The following PPP1R18 variants were observed in gnomAD, a reference collection of about 807,000 sequenced individuals.
PPP1R18 encodes protein phosphatase 1 regulatory subunit 18.
PPP1R18 carries 31 observed loss-of-function variants against 54.8 expected under a neutral mutation model. The observed-to-expected ratio is 0.57, with a 90% CI of 0.43 to 0.76. PPP1R18 has a LOEUF of 0.76. Ranked by LOEUF, PPP1R18 falls within the 30% of genes least tolerant of loss-of-function variation. The probability of loss-of-function intolerance (pLI) is 0.00; values close to 1 mark genes in which losing one functional copy is unlikely to be tolerated. For missense variants in PPP1R18, 685 were observed against 776.1 expected (o/e 0.88, Z 1.39); for synonymous variants, 310 against 320.2 (o/e 0.97, Z 0.34).
Position 30,685,346 on chromosome 6 carries a change from G to A in PPP1R18, c.673C>T (p.Pro225Ser), listed in dbSNP as rs750283501. The A allele has an allele frequency of 6.2e-7, 1 of 1,612,902 alleles. No individual in the cohort carries two copies. Among genetic ancestry groups the A allele is most frequent in the African/African-American group, 1.3e-5 (1 of 74,888 alleles). ...RRKEVESRLS[P>S]GESAYQKLGL... is the part of the protein sequence containing the mutation. ...AACTTCTGGTAGGCAGATTCCCCTG[G>A]GCTCAGTCTACTTTCCACCTCTTTT... Residue 225 changes from proline (P) to serine (S), a missense_variant, in exon 1 of 3, where the codon CCA becomes TCA. Coordinates refer to ENST00000274853, the MANE Select transcript of PPP1R18 (RefSeq NM_133471.4). The surrounding 1 kb of genome is among the most constrained non-coding windows in gnomAD (Gnocchi z 5.0).
In PPP1R18 at chr6:30,686,047, C is replaced by T. The variant is rs1446582833; in HGVS notation, c.-29G>A. 1.3e-6 allele frequency: 2 copies of T among 1,525,216 alleles called. No individual in the cohort carries two copies. Among genetic ancestry groups the T allele is most frequent in the African/African-American group, 1.4e-5 (1 of 72,460 alleles). 94.5% of individuals were successfully genotyped at this position (1,525,216 alleles called of 1,614,324 possible). A position where few individuals can be genotyped will look rare whatever the true frequency, so the allele number is the denominator to read the frequency against. On this transcript the variant is annotated 5_prime_UTR_variant, in exon 1 of 3. In the 5' UTR this introduces an upstream ATG that the reference lacks. Coordinates refer to ENST00000274853, the MANE Select transcript of PPP1R18 (RefSeq NM_133471.4). The stretch of plus-strand genomic sequence containing the variant: ...CGTCTTGAGGTGAGGGTAGGGAGCA[C>T]TGGGGACAGAGAACAGGAAGGAGAG...
chr6:30,684,377 T>A lies in PPP1R18; in HGVS notation c.1611+31A>T, dbSNP rs770092444. The A allele has an allele frequency of 9.9e-6, 15 of 1,509,564 alleles. No individual in the cohort carries two copies. In the East Asian group the frequency reaches 3.3e-4, roughly 33 times the overall value. 93.5% of individuals were successfully genotyped at this position (1,509,564 alleles called of 1,614,324 possible). A position where few individuals can be genotyped will look rare whatever the true frequency, so the allele number is the denominator to read the frequency against. Reference sequence around the variant, plus strand: ...TCCAGAGAAAATTGACAAGTGGACTTCTAAGAAGTCTGGCTTGGCTGCTTC... The same window carrying A: ...TCCAGAGAAAATTGACAAGTGGACTACTAAGAAGTCTGGCTTGGCTGCTTC... On this transcript the variant is annotated intron_variant, in intron 1 of 2. Coordinates refer to ENST00000274853, the MANE Select transcript of PPP1R18 (RefSeq NM_133471.4). The surrounding 1 kb of genome is among the most constrained non-coding windows in gnomAD (Gnocchi z 6.0).
chr6:30,679,149 C>A (rs1446026107), intron 2 of PPP1R18, 30 bp downstream of exon 2: 2 of 1,581,952 alleles, frequency 1.3e-6, no homozygotes, highest in Non-Finnish European at 8.6e-7. Context: ...CAGCAGGGGG[C>A]GCCCTCGGGC....
At chr6:30,682,704 C>T (rs1421597422) in intron 1 of PPP1R18, among the ~76,000 whole-genome samples, 3 of 151,868 alleles carry the variant, frequency 2.0e-5, no homozygotes, top group Admixed American at 6.6e-5. Flanking sequence ...GGGTTCCCCA[C>T]TCAGCCCCAC....
Position 30,679,357 on chromosome 6 carries a change from C to T in PPP1R18, c.1644G>A (p.Glu548=). ...LKISFSETAL[E]TTYQYPSESS... ...TCTCGGAGGGGTATTGGTACGTGGT[C>T]TCCAGGGCTGTCTCGCTGAAGGAGA... is the stretch of plus-strand genomic sequence containing the variant. The change falls in exon 2 of 3, where the codon GAG becomes GAA. Residue 548 remains glutamate, a synonymous_variant. Transcript: ENST00000274853. The T allele has an allele frequency of 5.7e-6, 9 of 1,583,462 alleles. No homozygotes were observed. Among genetic ancestry groups the T allele is most frequent in the Non-Finnish European group, 7.7e-6 (9 of 1,166,138 alleles).
chr6:30,678,004 G>A (rs565977742), intron 2 of PPP1R18, among the ~76,000 whole-genome samples: 5 of 150,730 alleles, frequency 3.3e-5, no homozygotes, highest in African/African-American at 9.8e-5. Flanking sequence ...TCTGCTTCCC[G>A]GGTTCAAGTG....
chr6:30,685,660 C>G lies in PPP1R18; in HGVS notation c.359G>C (p.Arg120Pro), dbSNP rs748245536. 6.2e-7 allele frequency: 1 copy of G among 1,613,092 alleles called. No individual in the cohort carries two copies. Among genetic ancestry groups the G allele is most frequent in the African/African-American group, 1.3e-5 (1 of 75,070 alleles). Residue 120 changes from arginine to proline, a missense_variant, in exon 1 of 3, where the codon CGG becomes CCG. Arg to Pro is a moderately radical substitution (Grantham distance 103). Transcript: ENST00000274853. The surrounding 1 kb of genome is among the most constrained non-coding windows in gnomAD (Gnocchi z 5.0). Reference sequence around the variant, plus strand: ...CTCCCCAGGGCTGGGTCTCCGCTCCCGGGCCTCCAGAGGCCCAGGCTTTCT... The same window carrying G: ...CTCCCCAGGGCTGGGTCTCCGCTCCGGGGCCTCCAGAGGCCCAGGCTTTCT... ...AERKPGPLEA[R>P]ERRPSPGEMR... is the part of the protein sequence containing the mutation.
Position 30,677,147 on chromosome 6 carries a change from C to T in PPP1R18, c.*122G>A, listed in dbSNP as rs565916480. ...GAAACAGGGTGGGGAAAGCAAGTTA[C>T]AAGATGTTGGTTGCCCTTCCCTGCC... On this transcript the variant is annotated 3_prime_UTR_variant, in exon 3 of 3. Transcript: ENST00000274853. 81 of 932,350 alleles carry T rather than the reference C, an allele frequency of 8.7e-5. No individual in the cohort carries two copies. Among genetic ancestry groups the T allele is most frequent in the African/African-American group, 8.6e-4 (53 of 61,900 alleles). 57.8% of individuals were successfully genotyped at this position (932,350 alleles called of 1,614,324 possible).
rs1042466483 is a variant in PPP1R18, at chr6:30,684,629, C to G, written c.1390G>C (p.Ala464Pro). The G allele has an allele frequency of 6.5e-7, 1 of 1,541,336 alleles. No individual in the cohort carries two copies. Among genetic ancestry groups the G allele is most frequent in the Non-Finnish European group, 8.8e-7 (1 of 1,142,284 alleles). Residue 464 changes from alanine (A) to proline (P), a missense_variant, in exon 1 of 3, where the codon GCC becomes CCC. Coordinates refer to ENST00000274853, the MANE Select transcript of PPP1R18 (RefSeq NM_133471.4). The surrounding 1 kb of genome is among the most constrained non-coding windows in gnomAD (Gnocchi z 6.0). The part of the protein sequence containing the change: ...YGVKAGPGVG[A>P]PRRSGHTFTV... ...AAGGTGTGTCCACTGCGGCGGGGGG[C>G]CCCCACCCCTGGCCCTGCCTTCACC...
chr6:30,678,593 T>C (rs1416436336), intron 2 of PPP1R18, among the ~76,000 whole-genome samples: 1 of 151,300 alleles, frequency 6.6e-6, no homozygotes, highest in Non-Finnish European at 1.5e-5. Flanking sequence ...TTAGCCAGGA[T>C]GGTCTCGATC....
At position 30,686,225 on chromosome 6, in the gene PPP1R18, A is replaced by G; in HGVS notation, c.-207T>C. The G allele has an allele frequency of 7.4e-6, 4 of 543,920 alleles. No homozygotes were observed. The South Asian group carries it at 1.1e-4, about 15-fold the overall frequency. The allele number at this position is 543,920 out of a possible 1,614,324, so 33.7% of individuals were successfully genotyped here. A position where few individuals can be genotyped will look rare whatever the true frequency, so the allele number is the denominator to read the frequency against. On this transcript the variant is annotated 5_prime_UTR_variant, in exon 1 of 3. Coordinates refer to ENST00000274853, the MANE Select transcript of PPP1R18 (RefSeq NM_133471.4). Reference sequence around the variant, plus strand: ...GAGAACTGGGGAAATGGAAAAAGTGAAGAGAAGTTGTGAGCCCAAGTTGGG... The same window carrying G: ...GAGAACTGGGGAAATGGAAAAAGTGGAGAGAAGTTGTGAGCCCAAGTTGGG...
chr6:30,682,464 G>A (rs1396904772), intron 1 of PPP1R18, among the ~76,000 whole-genome samples: 1 of 152,102 alleles, frequency 6.6e-6, no homozygotes, highest in Non-Finnish European at 1.5e-5. Flanking sequence ...TTGGTGGCAG[G>A]GTCCTCCTAT....
Position 30,686,063 on chromosome 6 carries a change from G to A in PPP1R18, c.-45C>T. On this transcript the variant is annotated 5_prime_UTR_variant, in exon 1 of 3. Transcript: ENST00000274853. Reference sequence around the variant, plus strand: ...TAGGGAGCACTGGGGACAGAGAACAGGAAGGAGAGGCTCCAGAGAGTGAGA... The same window carrying A: ...TAGGGAGCACTGGGGACAGAGAACAAGAAGGAGAGGCTCCAGAGAGTGAGA... 1 of 1,508,610 alleles carries A rather than the reference G, an allele frequency of 6.6e-7. No individual in the cohort carries two copies. The highest frequency in any genetic ancestry group is 8.8e-7 in the Non-Finnish European group (1 of 1,136,448). 93.5% of individuals were successfully genotyped at this position (1,508,610 alleles called of 1,614,324 possible).
intron 2 of PPP1R18, among the ~76,000 whole-genome samples, chr6:30,678,873 G>C (rs559696678): frequency 1.6e-3 from 251 of 152,194 alleles, no homozygotes; most frequent in African/African-American, 5.7e-3. Context: ...GAGATCAGAT[G>C]GTTTCCCTGA....
chr6:30,684,813 G>T lies in PPP1R18; in HGVS notation c.1206C>A (p.Pro402=), dbSNP rs771925734. ...ALQNCCSVPS[P]LPPEDAGTGG... ...CAGTCCCAGCGTCCTCTGGTGGGAG[G>T]GGGGAGGGCACAGAGCAGCAGTTCT... The change falls in exon 1 of 3, where the codon CCC becomes CCA. Residue 402 remains proline (P), a synonymous_variant. Transcript: ENST00000274853. This position sits in a 1 kb window ranked among gnomAD's most constrained non-coding sequence, Gnocchi z 6.0. 1.2e-6 allele frequency: 2 copies of T among 1,611,814 alleles called. No homozygotes were observed. The highest frequency in any genetic ancestry group is 2.2e-5 in the East Asian group (1 of 44,866).
Position 30,685,809 on chromosome 6 carries a change from T to C in PPP1R18, c.210A>G (p.Pro70=). ...GAAGGACCGCAGACTCATCCGGGTC[T>C]GGAGGTCCAGCCTCTACAGTCCCTA... is the stretch of plus-strand genomic sequence containing the variant. ...PVLGTVEAGP[P]DPDESAVLLE... is the part of the protein sequence containing the mutation. The change falls in exon 1 of 3, where the codon CCA becomes CCG. Residue 70 remains proline, a synonymous_variant. Coordinates refer to ENST00000274853, the MANE Select transcript of PPP1R18 (RefSeq NM_133471.4). The surrounding 1 kb of genome is among the most constrained non-coding windows in gnomAD (Gnocchi z 5.0). The C allele has an allele frequency of 1.2e-6, 2 of 1,613,070 alleles. No homozygotes were observed. The highest frequency in any genetic ancestry group is 1.7e-6 in the Non-Finnish European group (2 of 1,180,022).
At chr6:30,682,999 A>G (rs977707575) in intron 1 of PPP1R18, among the ~76,000 whole-genome samples, 3 of 152,220 alleles carry the variant, frequency 2.0e-5, no homozygotes, top group African/African-American at 4.8e-5. Context: ...CCTGAGGGGA[A>G]CAGGCTGGTA....
intron 2 of PPP1R18, among the ~76,000 whole-genome samples, chr6:30,677,735 T>C (rs1770275681): frequency 6.6e-6 from 1 of 151,978 alleles, no homozygotes; most frequent in Non-Finnish European, 1.5e-5. Flanking sequence ...TAATCCCAGC[T>C]ACTAGAGAGG....
chr6:30,684,479 C>G lies in PPP1R18; in HGVS notation c.1540G>C (p.Val514Leu). ...CTGAGACGGAGGTAGCCCCCCAGAA[C>G]CAAGATCTCCTCGGCAGTTGGGTAC... ...KRYPTAEEIL[V>L]LGGYLRLSRS... is the part of the protein sequence containing the mutation. The change falls in exon 1 of 3, where the codon GTT becomes CTT. Residue 514 changes from valine to leucine, a missense_variant. By Grantham distance (32) the Val-to-Leu change is conservative (BLOSUM62 1). Transcript: ENST00000274853. The surrounding 1 kb of genome is among the most constrained non-coding windows in gnomAD (Gnocchi z 6.0). 1 of 1,611,232 alleles carries G rather than the reference C, an allele frequency of 6.2e-7. No individual in the cohort carries two copies. Among genetic ancestry groups the G allele is most frequent in the South Asian group, 1.1e-5 (1 of 90,894 alleles).
Sources: allele counts gnomAD v4.1 joint callset (sites outside exome capture counted in the v4.1 genomes callset), GRCh38; gene constraint gnomAD v4.1.1; non-coding constraint Gnocchi (gnomAD v3.1); transcripts MANE v1.5; gene names NCBI Gene and HGNC (gene_info 2026-07-23, HGNC 2026-07-21).